MTA2: variants seen among roughly 807,000 people sequenced by gnomAD.
MTA2 encodes metastasis-associated protein MTA2.
In MTA2, 22 loss-of-function variants were observed where a neutral mutation model predicts 87.1. The ratio of observed to expected loss-of-function variants is 0.25; its 90% CI spans 0.18 to 0.36. The LOEUF (loss-of-function observed/expected upper bound fraction) is 0.36, where lower values mean the gene tolerates loss of function less well. MTA2 is among the 10% of genes least tolerant of loss of function. The probability of loss-of-function intolerance (pLI) is 1.00; values close to 1 mark genes in which losing one functional copy is unlikely to be tolerated. For missense variants in MTA2, 542 were observed against 853.2 expected (o/e 0.64, Z 4.54); for synonymous variants, 314 against 310.1 (o/e 1.01, Z -0.13).
chr11:62,600,578 G>C, intron 2 of MTA2, 44 bp downstream of exon 2: 3 of 1,565,326 alleles, frequency 1.9e-6, no homozygotes, highest in Non-Finnish European at 2.6e-6. Flanking sequence ...AACCTCAGAA[G>C]AGACCACTGC....
Position 62,595,669 on chromosome 11 carries a change from G to T in MTA2, c.1254+83C>A. The T allele has an allele frequency of 1.3e-6, 2 of 1,574,082 alleles. No individual in the cohort carries two copies. The highest frequency in any genetic ancestry group is 2.4e-5 in the South Asian group (2 of 84,826). ...GTCCATCAAACCATCACCATATAAA[G>T]AGTTGAATATTCTGGCCTTCACCTA... On this transcript the variant is annotated intron_variant, in intron 13 of 17. Coordinates refer to ENST00000278823, the MANE Select transcript of MTA2 (RefSeq NM_004739.4). The surrounding 1 kb of genome is among the most constrained non-coding windows in gnomAD (Gnocchi z 4.9).
intron 1 of MTA2, 103 bp from the exon 2 acceptor site, chr11:62,600,792 A>G: frequency 1.0e-6 from 1 of 961,210 alleles, no homozygotes; most frequent in Non-Finnish European, 1.6e-6. Context: ...TCAAAAGGAG[A>G]TAAGGATTCA....
At position 62,597,708 on chromosome 11, in the gene MTA2, T is replaced by G. The variant is rs771914868; in HGVS notation, c.495A>C (p.Glu165Asp). Residue 165 changes from glutamate (E) to aspartate (D), a missense_variant, in exon 7 of 18, where the codon GAA (glutamate) becomes GAC (aspartate). Glu to Asp is a conservative substitution (Grantham distance 45). Transcript: ENST00000278823. ...TCTTCTGCTGGTTCCGATTATCAGA[T>G]TCTCCTGGGGAAAAGAACAATGGCA... is the stretch of plus-strand genomic sequence containing the variant. The part of the protein sequence containing the change: ...AEIPDRLVEG[E>D]SDNRNQQKME... 7 of 1,613,896 alleles carry G rather than the reference T, an allele frequency of 4.3e-6. No individual in the cohort carries two copies. The African/African-American group carries it at 8.0e-5, about 18-fold the overall frequency.
chr11:62,600,245 A>G lies in MTA2; in HGVS notation c.111T>C (p.Asn37=), dbSNP rs139461375. ...IEELNKTANG[N]VEAKVVCLFR... is the part of the protein sequence containing the mutation. The stretch of plus-strand genomic sequence containing the variant: ...AAAGACAGACAACCTTTGCCTCCAC[A>G]TTTCCATTTGCAGTCTAAGGGGAGG... Residue 37 remains asparagine, a synonymous_variant, in exon 3 of 18, where the codon AAT becomes AAC. Coordinates refer to ENST00000278823, the MANE Select transcript of MTA2 (RefSeq NM_004739.4). 9.3e-6 allele frequency: 15 copies of G among 1,614,082 alleles called. No homozygotes were observed. The highest frequency in any genetic ancestry group is 1.3e-5 in the African/African-American group (1 of 74,924).
rs771442182 is a variant in MTA2, at chr11:62,597,641, G to T, written c.562C>A (p.Arg188=). The T allele has an allele frequency of 3.9e-5, 63 of 1,613,988 alleles. 1 individual carries two copies. Among genetic ancestry groups the T allele is most frequent in the Non-Finnish European group, 5.3e-5 (63 of 1,180,018 alleles). Residue 188 remains arginine, a synonymous_variant, in exon 7 of 18, where the codon CGG becomes AGG. Transcript: ENST00000278823. ...VWDPDNPLTD[R]QIDQFLVVAR... ...ACCACAAGAAACTGGTCGATCTGCCGGTCTGTGAGAGGGTTGTCTGGGTCC... is the reference window on the plus strand; with the variant it reads ...ACCACAAGAAACTGGTCGATCTGCCTGTCTGTGAGAGGGTTGTCTGGGTCC...
rs775104498 is a variant in MTA2, at chr11:62,594,586, G to A, written c.1622C>T (p.Pro541Leu). 30 of 1,613,830 alleles carry A rather than the reference G, an allele frequency of 1.9e-5. No individual in the cohort carries two copies. The highest frequency in any genetic ancestry group is 1.8e-4 in the Admixed American group (11 of 59,980). ...KPKTPRGTKTPINRNQLSQNR... is the reference protein window; with the variant it reads ...KPKTPRGTKTLINRNQLSQNR... ...CTGGGACAGCTGGTTTCTGTTGATC[G>A]GTGTCTTGGTACCCCGAGGTGTTTT... The change falls in exon 16 of 18, where the codon CCG (proline) becomes CTG (leucine). Residue 541 changes from proline (P) to leucine (L), a missense_variant. Physicochemically the swap from Pro to Leu is moderately conservative, Grantham distance 98. Coordinates refer to ENST00000278823, the MANE Select transcript of MTA2 (RefSeq NM_004739.4).
Position 62,595,739 on chromosome 11 carries a change from C to T in MTA2, c.1254+13G>A, listed in dbSNP as rs1942089947. Reference sequence around the variant, plus strand: ...TACTGCTCTCCCCTGCTTTTCTTCCCACTGATCCTTACCGTGGTGCCCCGA... The same window carrying T: ...TACTGCTCTCCCCTGCTTTTCTTCCTACTGATCCTTACCGTGGTGCCCCGA... On this transcript the variant is annotated intron_variant, in intron 13 of 17. Transcript: ENST00000278823. The surrounding 1 kb of genome is among the most constrained non-coding windows in gnomAD (Gnocchi z 4.9). 6.2e-7 allele frequency: 1 copy of T among 1,613,840 alleles called. No homozygotes were observed. Among genetic ancestry groups the T allele is most frequent in the Non-Finnish European group, 8.5e-7 (1 of 1,179,850 alleles).
intron 3 of MTA2, chr11:62,599,373 G>A (rs1185212136): frequency 1.3e-5 from 2 of 152,356 alleles, no homozygotes; most frequent in Non-Finnish European, 2.9e-5. Context: ...AGGCAAGGGG[G>A]ACCACACCCC....
In MTA2 at chr11:62,597,818, T is replaced by TATCA. The variant is rs1942120098; in HGVS notation, c.491-110_491-107dup. ...TCCTTCTCTTCTTCTGCTTGGATTC[T>TATCA]ATCAACTCTCCGACTTCTCTTCCCA... On this transcript the variant is annotated intron_variant, in intron 6 of 17. Coordinates refer to ENST00000278823, the MANE Select transcript of MTA2 (RefSeq NM_004739.4). 29 of 1,067,670 alleles carry TATCA rather than the reference T, an allele frequency of 2.7e-5. No individual in the cohort carries two copies. The South Asian group carries it at 4.2e-4, about 16-fold the overall frequency. 66.1% of individuals were successfully genotyped at this position (1,067,670 alleles called of 1,614,324 possible).
At position 62,595,143 on chromosome 11, in the gene MTA2, A is replaced by C; in HGVS notation, c.1484-73T>G. ...TCCTCTAAGGCCAGAAGCCAACTCT[A>C]ATCTTAAAAAAATTATCTGTGGCCT... On this transcript the variant is annotated intron_variant, in intron 14 of 17. Transcript: ENST00000278823. This position sits in a 1 kb window ranked among gnomAD's most constrained non-coding sequence, Gnocchi z 4.9. 6.4e-7 allele frequency: 1 copy of C among 1,553,960 alleles called. No individual in the cohort carries two copies. The highest frequency in any genetic ancestry group is 8.8e-7 in the Non-Finnish European group (1 of 1,134,362).
intron 1 of MTA2, chr11:62,601,022 C>T: frequency 2.0e-6 from 1 of 489,422 alleles, no homozygotes. Flanking sequence ...AGGGCCCCTA[C>T]CTTTTCGAAT....
intron 1 of MTA2, 67 bp from the exon 2 acceptor site, chr11:62,600,756 T>C: frequency 6.8e-7 from 1 of 1,470,154 alleles, no homozygotes; most frequent in Non-Finnish European, 9.5e-7. Context: ...AGCACCAGGG[T>C]AGGAGAGAAA....
rs1210454528 is a variant in MTA2 at position 62,601,596 on chromosome 11, C to T, written c.-146G>A. 4.3e-6 allele frequency: 4 copies of T among 925,124 alleles called. No homozygotes were observed. The African/African-American group carries it at 7.0e-5, about 16-fold the overall frequency. 57.3% of individuals were successfully genotyped at this position (925,124 alleles called of 1,614,324 possible). ...CCCGCGCAGCCGGCACCTCCGCTGC[C>T]TCAGCCGTCGCGGTTCATCCCGGCC... On this transcript the variant is annotated 5_prime_UTR_variant, in exon 1 of 18. Transcript: ENST00000278823.
chr11:62,595,408 G>T lies in MTA2; in HGVS notation c.1339C>A (p.Leu447Met), dbSNP rs1263171898. 1 of 1,614,260 alleles carries T rather than the reference G, an allele frequency of 6.2e-7. No homozygotes were observed. The highest frequency in any genetic ancestry group is 1.7e-5 in the Admixed American group (1 of 60,032). ...YTTSANRAKL[L>M]AKNRQTFLLQ... is the part of the protein sequence containing the mutation. ...AGGAAAGTTTGTCTGTTCTTAGCCAGTAGCTTGGCCCTGTTGGCGCTGGTT... is the reference window on the plus strand; with the variant it reads ...AGGAAAGTTTGTCTGTTCTTAGCCATTAGCTTGGCCCTGTTGGCGCTGGTT... Residue 447 changes from leucine to methionine, a missense_variant, in exon 14 of 18, where the codon CTG (leucine) becomes ATG (methionine). Transcript: ENST00000278823. This position sits in a 1 kb window ranked among gnomAD's most constrained non-coding sequence, Gnocchi z 4.9.
In MTA2 at chr11:62,596,125, G is replaced by A; in HGVS notation, c.1017-18C>T. 6.2e-7 allele frequency: 1 copy of A among 1,613,316 alleles called. No individual in the cohort carries two copies. Among genetic ancestry groups the A allele is most frequent in the South Asian group, 1.1e-5 (1 of 91,044 alleles). On this transcript the variant is annotated intron_variant, in intron 11 of 17. Coordinates refer to ENST00000278823, the MANE Select transcript of MTA2 (RefSeq NM_004739.4). ...GCTTAGTGCTAACGGGGAAGGCGAG[G>A]AGAAGGGAAAAAAACAAGAAACTGG...
Position 62,601,111 on chromosome 11 carries a change from T to C in MTA2, c.28+312A>G, listed in dbSNP as rs997301036. 8.1e-6 allele frequency: 4 copies of C among 492,126 alleles called. No homozygotes were observed. The South Asian group carries it at 1.1e-4, about 13-fold the overall frequency. The allele number at this position is 492,126 out of a possible 1,614,324, so 30.5% of individuals were successfully genotyped here. A position where few individuals can be genotyped will look rare whatever the true frequency, so the allele number is the denominator to read the frequency against. Reference sequence around the variant, plus strand: ...GTGGCAAAGCCGTCGCCCCAGCCCCTCGCGTTCCCTCCCTACCCTGTCAGC... The same window carrying C: ...GTGGCAAAGCCGTCGCCCCAGCCCCCCGCGTTCCCTCCCTACCCTGTCAGC... On this transcript the variant is annotated intron_variant, in intron 1 of 17. Transcript: ENST00000278823.
Position 62,601,512 on chromosome 11 carries a change from C to G in MTA2, c.-62G>C, listed in dbSNP as rs1942200420. ...GTCCGGGAGGCTCGCGGGGGCAGGG[C>G]TCGGCTCGAGGCAAAGCCCCGAACG... On this transcript the variant is annotated 5_prime_UTR_variant, in exon 1 of 18. Transcript: ENST00000278823. 6.4e-7 allele frequency: 1 copy of G among 1,568,608 alleles called. No individual in the cohort carries two copies. The highest frequency in any genetic ancestry group is 1.8e-5 in the Admixed American group (1 of 56,342).
rs377278798 is a variant in MTA2, at chr11:62,596,653, T to C, written c.866A>G (p.Asp289Gly). The change falls in exon 9 of 18, where the codon GAT (aspartate) becomes GGT (glycine). Residue 289 changes from aspartate to glycine, a missense_variant. This residue lies in a region of MTA2 where 33 missense variants were observed against 31.7 expected (regional missense o/e 1.04). Transcript: ENST00000278823. ...TCCACTTACAAAATCCTGGCGAATA[T>C]CATTGAAGTCCTTCCCATACTTCTC... ...ALEKYGKDFN[D>G]IRQDFLPWKS... 8 of 1,612,884 alleles carry C rather than the reference T, an allele frequency of 5.0e-6. No individual in the cohort carries two copies. Among genetic ancestry groups the C allele is most frequent in the Non-Finnish European group, 5.9e-6 (7 of 1,179,232 alleles).
chr11:62,601,415 G>A lies in MTA2; in HGVS notation c.28+8C>T. 1.2e-6 allele frequency: 2 copies of A among 1,610,522 alleles called. No homozygotes were observed. The highest frequency in any genetic ancestry group is 2.2e-5 in the South Asian group (2 of 90,784). Reference sequence around the variant, plus strand: ...CCCGGGCCCCGTATCCCTGCGCCCGGTACTCACCTCCCACCCGGTACATGT... The same window carrying A: ...CCCGGGCCCCGTATCCCTGCGCCCGATACTCACCTCCCACCCGGTACATGT... On this transcript the variant is annotated splice_region_variant and intron_variant, in intron 1 of 17. Coordinates refer to ENST00000278823, the MANE Select transcript of MTA2 (RefSeq NM_004739.4).
Sources: gnomAD v4.1 joint callset for allele counts on GRCh38, gnomAD v4.1.1 for gene constraint, gnomAD v4.1.1 regional missense constraint, Gnocchi (gnomAD v3.1) non-coding constraint, MANE v1.5 for transcripts, NCBI Gene and HGNC (gene_info 2026-07-23, HGNC 2026-07-21) for gene names.